ATP6V1D: variants seen among roughly 807,000 people sequenced by gnomAD.
ATP6V1D encodes V-type proton ATPase subunit D.
A neutral mutation model predicts 39.4 loss-of-function variants in ATP6V1D; 20 were observed. The observed-to-expected ratio is 0.51, with a 90% CI of 0.36 to 0.74. The LOEUF (loss-of-function observed/expected upper bound fraction) is 0.74, where lower values mean the gene tolerates loss of function less well. ATP6V1D is among the 30% of genes least tolerant of loss of function. ATP6V1D has a pLI of 0.00. For synonymous variants in ATP6V1D, 100 were observed against 100.5 expected (o/e 0.99, Z 0.03); for missense variants, 228 against 291.6 (o/e 0.78, Z 1.59).
At chr14:67,352,416 G>C (rs149741091) in intron 2 of ATP6V1D, among the ~76,000 whole-genome samples, 2,849 of 145,250 alleles carry the variant, frequency 0.02, 38 homozygotes, top group Middle Eastern at 0.035. Flanking sequence ...TGCAGAGTAA[G>C]ACCTTGCCTC....
intron 1 of ATP6V1D, among the ~76,000 whole-genome samples, chr14:67,359,182 C>T (rs1365338026): frequency 6.6e-6 from 1 of 152,178 alleles, no homozygotes; most frequent in Non-Finnish European, 1.5e-5. Context: ...TAGGGCGATT[C>T]GATTCCATCC....
Position 67,348,938 on chromosome 14 carries a change from GA to G in ATP6V1D, c.307+98del, listed in dbSNP as rs2085639981. On this transcript the variant is annotated intron_variant, in intron 4 of 8. Transcript: ENST00000216442. ...CCAATCAACTTGTTCTAAGTAGAAG[GA>G]AGAAACTAGGACATTAAGATCTTGC... 7 of 1,138,074 alleles carry G rather than the reference GA, an allele frequency of 6.2e-6. No individual in the cohort carries two copies. The East Asian group carries it at 1.7e-4, about 28-fold the overall frequency. The allele number at this position is 1,138,074 out of a possible 1,614,324, so 70.5% of individuals were successfully genotyped here. A position where few individuals can be genotyped will look rare whatever the true frequency, so the allele number is the denominator to read the frequency against.
At chr14:67,351,057 G>A (rs907207642) in intron 2 of ATP6V1D, among the ~76,000 whole-genome samples, 7 of 152,264 alleles carry the variant, frequency 4.6e-5, no homozygotes, top group African/African-American at 1.7e-4. Context: ...AGTACATCTG[G>A]AATATTTAAT....
At chr14:67,358,211 T>C (rs975267280) in intron 1 of ATP6V1D, among the ~76,000 whole-genome samples, 1 of 152,198 alleles carries the variant, frequency 6.6e-6, no homozygotes, top group African/African-American at 2.4e-5. Context: ...CATCACGTCC[T>C]AGGAGTTCTG....
intron 6 of ATP6V1D, 40 bp downstream of exon 6, chr14:67,345,728 A>C: frequency 7.0e-7 from 1 of 1,436,018 alleles, no homozygotes; most frequent in Non-Finnish European, 9.8e-7. Flanking sequence ...GACTGTTACA[A>C]ATCAAACTAC....
At chr14:67,350,177 A>G (rs1304382852) in intron 3 of ATP6V1D, among the ~76,000 whole-genome samples, 1 of 152,228 alleles carries the variant, frequency 6.6e-6, no homozygotes, top group Non-Finnish European at 1.5e-5. Flanking sequence ...AAATAATCCA[A>G]TTCTCAAAAA....
In ATP6V1D at chr14:67,344,991, C is replaced by T. The variant is rs113586084; in HGVS notation, c.456+777G>A. ...GTGTGGTGGCTCATACCTATAATCCCAGCACTTTGGAAGGATGAGGCGGGC... is the reference window on the plus strand; with the variant it reads ...GTGTGGTGGCTCATACCTATAATCCTAGCACTTTGGAAGGATGAGGCGGGC... On this transcript the variant is annotated intron_variant, in intron 6 of 8. Transcript: ENST00000216442. Among the ~76,000 whole-genome samples the T allele has an allele frequency of 7.6e-3, 1,163 of 152,076 alleles. 13 individuals are homozygous for T. The highest frequency in any genetic ancestry group is 0.025 in the African/African-American group (1,049 of 41,488).
intron 4 of ATP6V1D, chr14:67,348,826 T>A: frequency 2.0e-6 from 1 of 492,182 alleles, no homozygotes; most frequent in Non-Finnish European, 3.6e-6. Context: ...AGCCGGAACC[T>A]GCCTTCTTAA....
intron 2 of ATP6V1D, among the ~76,000 whole-genome samples, chr14:67,352,426 C>CAA (rs557204300): frequency 7.8e-5 from 6 of 76,788 alleles, no homozygotes; most frequent in African/African-American, 1.0e-4. Flanking sequence ...GACCTTGCCT[C>CAA]AAAAAAAAAA....
chr14:67,352,969 T>G lies in ATP6V1D; in HGVS notation c.113A>C (p.Asp38Ala). ...TGRNLLKKKSDALTLRFRQIL... is the reference protein window; with the variant it reads ...TGRNLLKKKSAALTLRFRQIL... Reference sequence around the variant, plus strand: ...CTGTCGAAATCGAAGAGTTAAGGCATCAGATTTTTTCTTCAGGAGGTTTCG... The same window carrying G: ...CTGTCGAAATCGAAGAGTTAAGGCAGCAGATTTTTTCTTCAGGAGGTTTCG... Residue 38 changes from aspartate (D) to alanine (A), a missense_variant, in exon 2 of 9, where the codon GAT (aspartate) becomes GCT (alanine). Coordinates refer to ENST00000216442, the MANE Select transcript of ATP6V1D (RefSeq NM_015994.4). 6.2e-7 allele frequency: 1 copy of G among 1,614,026 alleles called. No individual in the cohort carries two copies. The highest frequency in any genetic ancestry group is 8.5e-7 in the Non-Finnish European group (1 of 1,179,894).
intron 5 of ATP6V1D, among the ~76,000 whole-genome samples, chr14:67,346,972 A>G (rs2085623137): frequency 6.6e-6 from 1 of 152,188 alleles, no homozygotes; most frequent in Admixed American, 6.5e-5. Context: ...ATAATGTTTT[A>G]TGACTTCCTA....
Position 67,341,491 on chromosome 14 carries a change from C to T in ATP6V1D, c.524-973G>A, listed in dbSNP as rs575673860. ...GGGGTCAGCCCCCGGCCCGGCCAGC[C>T]GCCCCGTCCGGGAGGGAGGTGGGGG... On this transcript the variant is annotated intron_variant, in intron 7 of 8. Coordinates refer to ENST00000216442, the MANE Select transcript of ATP6V1D (RefSeq NM_015994.4). Among the ~76,000 whole-genome samples the T allele has an allele frequency of 4.3e-4, 65 of 152,014 alleles. 2 individuals carry two copies. Among genetic ancestry groups the T allele is most frequent in the African/African-American group, 1.4e-3 (57 of 41,462 alleles).
At chr14:67,348,482 G>A (rs1341409189) in intron 4 of ATP6V1D, among the ~76,000 whole-genome samples, 3 of 151,406 alleles carry the variant, frequency 2.0e-5, no homozygotes, top group Non-Finnish European at 4.4e-5. Context: ...TGGGATTACA[G>A]GTGTGAGCCA....
At chr14:67,347,746 C>T (rs1361310873) in intron 4 of ATP6V1D, among the ~76,000 whole-genome samples, 4 of 151,832 alleles carry the variant, frequency 2.6e-5, no homozygotes, top group African/African-American at 9.7e-5. Context: ...GTGATCCACC[C>T]GCCTAAACCT....
intron 1 of ATP6V1D, among the ~76,000 whole-genome samples, chr14:67,356,311 C>G (rs1011916208): frequency 2.0e-5 from 3 of 151,866 alleles, no homozygotes; most frequent in Non-Finnish European, 2.9e-5. Context: ...GTCCCAGCTA[C>G]TCAGGAGTCT....
chr14:67,343,290 A>G, intron 7 of ATP6V1D, 82 bp downstream of exon 7: 1 of 1,071,346 alleles, frequency 9.3e-7, no homozygotes, highest in South Asian at 1.4e-5. Context: ...AGTCTTCAGT[A>G]CAGTCCCTGA....
rs763089413 is a variant in ATP6V1D, at chr14:67,343,445, T to C, written c.457-7A>G. The C allele has an allele frequency of 4.4e-6, 7 of 1,575,868 alleles. No homozygotes were observed. In the African/African-American group the frequency reaches 8.1e-5, roughly 18 times the overall value. Reference sequence around the variant, plus strand: ...CCAAAGTAACAAAAGAAGTCTAAAATAAGAACAAATTAATAATGTAAGCAC... The same window carrying C: ...CCAAAGTAACAAAAGAAGTCTAAAACAAGAACAAATTAATAATGTAAGCAC... On this transcript the variant is annotated splice_polypyrimidine_tract_variant and splice_region_variant and intron_variant, in intron 6 of 8. Transcript: ENST00000216442.
intron 7 of ATP6V1D, among the ~76,000 whole-genome samples, chr14:67,341,991 C>T (rs1251460873): frequency 1.3e-5 from 2 of 151,568 alleles, no homozygotes; most frequent in Non-Finnish European, 2.9e-5. Flanking sequence ...AGGCAGCATG[C>T]TCGTTAAGAG....
chr14:67,355,031 C>T (rs1213658031), intron 1 of ATP6V1D, among the ~76,000 whole-genome samples: 5 of 151,992 alleles, frequency 3.3e-5, no homozygotes, highest in African/African-American at 1.2e-4. Context: ...AGGCTGGTCT[C>T]GAACTCCTGA....
Sources: allele counts gnomAD v4.1 joint callset (sites outside exome capture counted in the v4.1 genomes callset), GRCh38; gene constraint gnomAD v4.1.1; transcripts MANE v1.5; gene names NCBI Gene and HGNC (gene_info 2026-07-23, HGNC 2026-07-21).